Variants in SGCZ observed in about 807,000 individuals in gnomAD.
SGCZ encodes sarcoglycan zeta.
A neutral mutation model predicts 41.3 loss-of-function variants in SGCZ; 40 were observed. The observed-to-expected ratio is 0.97, with a 90% CI of 0.75 to 1.26. The LOEUF (loss-of-function observed/expected upper bound fraction) is 1.26, where lower values mean the gene tolerates loss of function less well. SGCZ is among the 50% of genes most tolerant of loss of function. The pLI is 0.00. For synonymous variants in SGCZ, 206 were observed against 137.5 expected (o/e 1.50, Z -3.49); for missense variants, 552 against 369.8 (o/e 1.49, Z -4.04).
At chr8:14,411,529 C>A (rs1799360038) in intron 2 of SGCZ, among the ~76,000 whole-genome samples, 1 of 151,964 alleles carries the variant, frequency 6.6e-6, no homozygotes, top group African/African-American at 2.4e-5. Flanking sequence ...CTGCCTACAG[C>A]ATATAAAGTT....
At chr8:14,628,029 G>A (rs1296523634) in intron 1 of SGCZ, among the ~76,000 whole-genome samples, 1 of 152,012 alleles carries the variant, frequency 6.6e-6, no homozygotes, top group East Asian at 1.9e-4. Flanking sequence ...TATATTCCCA[G>A]TTAAGCATAG....
At chr8:14,976,793 G>T (rs1481597708) in intron 1 of SGCZ, among the ~76,000 whole-genome samples, 1 of 152,288 alleles carries the variant, frequency 6.6e-6, no homozygotes, top group East Asian at 1.9e-4. Flanking sequence ...ATGAATTACA[G>T]AACATGTGTA....
chr8:14,399,784 GA>G (rs1799021609), intron 2 of SGCZ, among the ~76,000 whole-genome samples: 1 of 151,980 alleles, frequency 6.6e-6, no homozygotes, highest in Non-Finnish European at 1.5e-5. Flanking sequence ...CTTTTCAAAG[GA>G]CTAACAAATA....
chr8:14,672,410 C>G (rs1013569921), intron 1 of SGCZ, among the ~76,000 whole-genome samples: 2 of 152,206 alleles, frequency 1.3e-5, no homozygotes, highest in South Asian at 2.1e-4. Context: ...GGCTTTTAAA[C>G]TACAGGAATC....
chr8:14,295,688 G>T (rs1207663999), intron 3 of SGCZ, among the ~76,000 whole-genome samples: 1 of 152,094 alleles, frequency 6.6e-6, no homozygotes, highest in African/African-American at 2.4e-5. Context: ...AACTAATGGG[G>T]TGAATTCTAC....
chr8:15,063,613 C>T (rs1352593796), intron 1 of SGCZ, among the ~76,000 whole-genome samples: 8 of 152,134 alleles, frequency 5.3e-5, no homozygotes, highest in African/African-American at 1.9e-4. Context: ...CACAGCTATA[C>T]TGTCTTCATT....
intron 2 of SGCZ, among the ~76,000 whole-genome samples, chr8:14,554,225 G>A (rs1037874398): frequency 6.6e-6 from 1 of 152,002 alleles, no homozygotes; most frequent in South Asian, 2.1e-4. Flanking sequence ...GGCAATTATA[G>A]GCATTAGTCA....
chr8:14,627,108 A>T (rs1356118050), intron 1 of SGCZ, among the ~76,000 whole-genome samples: 1 of 152,230 alleles, frequency 6.6e-6, no homozygotes, highest in Non-Finnish European at 1.5e-5. Flanking sequence ...TAACTGATTT[A>T]CATTATGATA....
At chr8:14,377,841 C>T (rs1445507314) in intron 2 of SGCZ, among the ~76,000 whole-genome samples, 2 of 151,830 alleles carry the variant, frequency 1.3e-5, no homozygotes, top group East Asian at 3.9e-4. Context: ...CATCCATGTC[C>T]CTACAAAGGA....
At chr8:14,966,760 T>C (rs1304143623) in intron 1 of SGCZ, among the ~76,000 whole-genome samples, 1 of 152,122 alleles carries the variant, frequency 6.6e-6, no homozygotes, top group Non-Finnish European at 1.5e-5. Flanking sequence ...AAACAAATAG[T>C]ATAGAAAAGA....
At chr8:14,381,861 A>G (rs1055820542) in intron 2 of SGCZ, among the ~76,000 whole-genome samples, 13 of 151,988 alleles carry the variant, frequency 8.6e-5, no homozygotes, top group Admixed American at 6.6e-5. Flanking sequence ...ACACTAATTC[A>G]TTGTTTCACA....
At chr8:14,621,661 G>C (rs1026924055) in intron 1 of SGCZ, among the ~76,000 whole-genome samples, 1 of 152,070 alleles carries the variant, frequency 6.6e-6, no homozygotes, top group African/African-American at 2.4e-5. Flanking sequence ...AAGAGACTGA[G>C]AGAGAGTGAA....
intron 1 of SGCZ, among the ~76,000 whole-genome samples, chr8:14,650,653 A>G (rs1480223847): frequency 6.6e-6 from 1 of 152,018 alleles, no homozygotes; most frequent in Non-Finnish European, 1.5e-5. Context: ...AAGAAGCTTC[A>G]ATTCTTAGCT....
intron 2 of SGCZ, among the ~76,000 whole-genome samples, chr8:14,536,083 A>G (rs1462156973): frequency 6.6e-6 from 1 of 151,922 alleles, no homozygotes; most frequent in Non-Finnish European, 1.5e-5. Context: ...CACATTCAAA[A>G]TAAACACTAA....
intron 1 of SGCZ, among the ~76,000 whole-genome samples, chr8:14,922,224 T>C (rs560987618): frequency 3.9e-5 from 6 of 152,020 alleles, no homozygotes; most frequent in Admixed American, 1.3e-4. Flanking sequence ...CGTACGACTG[T>C]CCTTCCTTGT....
chr8:14,308,793 C>T (rs112716016), intron 3 of SGCZ, among the ~76,000 whole-genome samples: 3,659 of 152,032 alleles, frequency 0.024, 116 homozygotes, highest in African/African-American at 0.066. Flanking sequence ...TCAGAAATAT[C>T]AGAAACAGTG....
chr8:14,728,228 T>A (rs998342708), intron 1 of SGCZ, among the ~76,000 whole-genome samples: 2 of 152,054 alleles, frequency 1.3e-5, no homozygotes, highest in African/African-American at 4.8e-5. Context: ...TGTGATAATT[T>A]TCTCTAAAAA....
intron 2 of SGCZ, among the ~76,000 whole-genome samples, chr8:14,442,570 T>C (rs1239015900): frequency 1.3e-5 from 2 of 152,234 alleles, no homozygotes; most frequent in African/African-American, 4.8e-5. Flanking sequence ...ATTCACCTGG[T>C]GGGTAAGTTT....
rs574759754 is a variant in SGCZ, at chr8:14,538,462, C to A, written c.234+16270G>T. On this transcript the variant is annotated intron_variant, in intron 2 of 7. Transcript: ENST00000382080. ...GATGCCATGGGTGAACCAAGAGAAACTTAACCCAACCTGTGGAAGTGAGGA... is the reference window on the plus strand; with the variant it reads ...GATGCCATGGGTGAACCAAGAGAAAATTAACCCAACCTGTGGAAGTGAGGA... Among the ~76,000 whole-genome samples the A allele has an allele frequency of 2.6e-5, 4 of 152,022 alleles. No homozygotes were observed. In the South Asian group the frequency reaches 8.3e-4, roughly 32 times the overall value.
Sources: allele counts gnomAD v4.1 joint callset (sites outside exome capture counted in the v4.1 genomes callset), GRCh38; gene constraint gnomAD v4.1.1; transcripts MANE v1.5; gene names NCBI Gene and HGNC (gene_info 2026-07-23, HGNC 2026-07-21).